The following ADAMTS3 variants were observed in gnomAD, a reference collection of about 807,000 sequenced individuals.
ADAMTS3 encodes A disintegrin and metalloproteinase with thrombospondin motifs 3.
ADAMTS3 carries 73 observed loss-of-function variants against 129.0 expected under a neutral mutation model. That is an observed-to-expected ratio of 0.57 (90% CI 0.47 to 0.69). ADAMTS3 has a LOEUF of 0.69. Among genes scored for constraint, ADAMTS3 ranks in the 30% least tolerant of loss-of-function variants. The pLI, the probability that ADAMTS3 is intolerant of heterozygous loss-of-function variation, is 0.00. For synonymous variants in ADAMTS3, 477 were observed against 510.8 expected, an observed-to-expected ratio of 0.93 and a Z score of 0.89; for missense variants, 1,457 against 1,514.5, an observed-to-expected ratio of 0.96 and a Z score of 0.63.
chr4:72,423,559 C>G (rs983585184), intron 3 of ADAMTS3, among the ~76,000 whole-genome samples: 1 of 149,950 alleles, frequency 6.7e-6, no homozygotes, highest in Non-Finnish European at 1.5e-5. Context: ...TCTTTTTTTT[C>G]TTTTATTATT....
chr4:72,339,793 A>C (rs1014130529), intron 4 of ADAMTS3, 100 bp from the exon 5 acceptor site: 1 of 901,276 alleles, frequency 1.1e-6, no homozygotes, highest in Non-Finnish European at 1.8e-6. Context: ...TATCAGTATC[A>C]TTCATAATCA....
chr4:72,523,068 A>T (rs1244627949), intron 3 of ADAMTS3, among the ~76,000 whole-genome samples: 1 of 152,088 alleles, frequency 6.6e-6, no homozygotes, highest in Non-Finnish European at 1.5e-5. Flanking sequence ...TTTTAACTTT[A>T]TAAGAGTCTT....
At chr4:72,331,853 T>G (rs1000414839) in intron 5 of ADAMTS3, among the ~76,000 whole-genome samples, 1 of 152,310 alleles carries the variant, frequency 6.6e-6, no homozygotes, top group African/African-American at 2.4e-5. Flanking sequence ...CCATATCCTC[T>G]CTTTTTCAAT....
At chr4:72,479,831 C>T (rs1158003132) in intron 3 of ADAMTS3, among the ~76,000 whole-genome samples, 1 of 152,172 alleles carries the variant, frequency 6.6e-6, no homozygotes, top group Non-Finnish European at 1.5e-5. Flanking sequence ...CTACAATGAA[C>T]TCAAACAAAT....
rs1721595320 is a variant in ADAMTS3 at position 72,550,047 on chromosome 4, AAGAG to A, written c.98-1167_98-1164del. Among the ~76,000 whole-genome samples, 70 of 18,380 alleles carry A rather than the reference AAGAG, an allele frequency of 3.8e-3. 18 individuals are homozygous for A. The highest frequency in any genetic ancestry group is 0.013 in the East Asian group (7 of 560). 12.1% of individuals were successfully genotyped at this position (18,380 alleles called of 152,430 possible). On this transcript the variant is annotated intron_variant, in intron 2 of 21. Coordinates refer to ENST00000286657, the MANE Select transcript of ADAMTS3 (RefSeq NM_014243.3). ...GAAGAAGAAGAAGAAGAAGAAGAGG[AAGAG>A]GAAGAGGAAGAGGAAGAGGAAGAGG...
chr4:72,282,123 A>C lies in ADAMTS3; in HGVS notation c.*1013T>G, dbSNP rs1414938943. On this transcript the variant is annotated 3_prime_UTR_variant, in exon 22 of 22. Coordinates refer to ENST00000286657, the MANE Select transcript of ADAMTS3 (RefSeq NM_014243.3). Reference sequence around the variant, plus strand: ...ATTTTTCTCAGCTACCAACATACAAATAAGTTATCCCAAAACTTTTTCCTT... The same window carrying C: ...ATTTTTCTCAGCTACCAACATACAACTAAGTTATCCCAAAACTTTTTCCTT... 6.6e-6 allele frequency: 1 copy of C among 152,200 alleles called. No individual in the cohort carries two copies. The highest frequency in any genetic ancestry group is 2.4e-5 in the African/African-American group (1 of 41,460). 9.4% of individuals were successfully genotyped at this position (152,200 alleles called of 1,614,324 possible). A position where few individuals can be genotyped will look rare whatever the true frequency, so the allele number is the denominator to read the frequency against.
At chr4:72,555,441 A>G (rs1212466952) in intron 2 of ADAMTS3, among the ~76,000 whole-genome samples, 1 of 151,810 alleles carries the variant, frequency 6.6e-6, no homozygotes, top group Non-Finnish European at 1.5e-5. Flanking sequence ...GCCAAGGCCT[A>G]TCTCAAGCCC....
intron 3 of ADAMTS3, among the ~76,000 whole-genome samples, chr4:72,423,347 T>C (rs972582205): frequency 6.6e-6 from 1 of 152,140 alleles, no homozygotes; most frequent in Admixed American, 6.6e-5. Context: ...AGACGGAGAA[T>C]ACATGTAAAT....
intron 2 of ADAMTS3, among the ~76,000 whole-genome samples, chr4:72,551,551 A>G (rs1159449837): frequency 6.6e-6 from 1 of 152,164 alleles, no homozygotes; most frequent in Non-Finnish European, 1.5e-5. Flanking sequence ...AAAAGATACG[A>G]TTGGCAACCC....
At chr4:72,333,747 A>G (rs1163390215) in intron 5 of ADAMTS3, among the ~76,000 whole-genome samples, 1 of 152,064 alleles carries the variant, frequency 6.6e-6, no homozygotes, top group South Asian at 2.1e-4. Flanking sequence ...GCCCTTATTA[A>G]ATGGCTGGAT....
At chr4:72,416,003 T>C (rs1220351945) in intron 3 of ADAMTS3, among the ~76,000 whole-genome samples, 1 of 151,682 alleles carries the variant, frequency 6.6e-6, no homozygotes, top group East Asian at 1.9e-4. Flanking sequence ...ACCTTTAACT[T>C]ATTCTGTATT....
chr4:72,531,427 G>C (rs993532553), intron 3 of ADAMTS3, among the ~76,000 whole-genome samples: 5 of 152,138 alleles, frequency 3.3e-5, no homozygotes, highest in Admixed American at 6.6e-5. Flanking sequence ...GCTCAGAAGA[G>C]AAGTCAGAGC....
intron 3 of ADAMTS3, among the ~76,000 whole-genome samples, chr4:72,516,513 G>C (rs192696482): frequency 1.1e-3 from 172 of 152,090 alleles, no homozygotes; most frequent in African/African-American, 4.0e-3. Context: ...TTATTTCATT[G>C]AGCAGTGGTT....
At chr4:72,314,102 T>A (rs1219494534) in intron 11 of ADAMTS3, among the ~76,000 whole-genome samples, 2 of 152,094 alleles carry the variant, frequency 1.3e-5, no homozygotes, top group Non-Finnish European at 2.9e-5. Context: ...AACACTATAA[T>A]CAATAAGAAC....
At chr4:72,457,255 C>T (rs1035413290) in intron 3 of ADAMTS3, among the ~76,000 whole-genome samples, 1 of 151,568 alleles carries the variant, frequency 6.6e-6, no homozygotes, top group African/African-American at 2.4e-5. Flanking sequence ...CAGGACATAA[C>T]AAAAATTAAA....
At chr4:72,531,260 A>G (rs562181366) in intron 3 of ADAMTS3, among the ~76,000 whole-genome samples, 1 of 152,296 alleles carries the variant, frequency 6.6e-6, no homozygotes, top group East Asian at 1.9e-4. Context: ...TAGGATAATA[A>G]GAATCTAGGT....
chr4:72,527,867 AGAGG>A (rs1354157191), intron 3 of ADAMTS3, among the ~76,000 whole-genome samples: 1 of 152,166 alleles, frequency 6.6e-6, no homozygotes, highest in Non-Finnish European at 1.5e-5. Context: ...CCTGAAACCT[AGAGG>A]GGGATAGGGA....
chr4:72,448,793 G>GA lies in ADAMTS3; in HGVS notation c.505-33823dup, dbSNP rs565951887. Among the ~76,000 whole-genome samples, 127 of 150,782 alleles carry GA rather than the reference G, an allele frequency of 8.4e-4. 2 individuals carry two copies. The highest frequency in any genetic ancestry group is 1.8e-3 in the Admixed American group (27 of 15,160). On this transcript the variant is annotated intron_variant, in intron 3 of 21. Transcript: ENST00000286657. ...CTCCCCTTTTCTACTCCCTAAAAAAGAAAAAAAAGTATTATAGAAGTGCAT... is the reference window on the plus strand; with the variant it reads ...CTCCCCTTTTCTACTCCCTAAAAAAGAAAAAAAAAGTATTATAGAAGTGCAT...
intron 3 of ADAMTS3, among the ~76,000 whole-genome samples, chr4:72,441,310 A>T (rs1040748410): frequency 2.6e-5 from 4 of 151,744 alleles, no homozygotes; most frequent in Admixed American, 6.6e-5. Flanking sequence ...GTATTTTTCA[A>T]CATTTGTACA....
Sources: gnomAD v4.1 joint callset for allele counts (sites outside exome capture counted in the v4.1 genomes callset) on GRCh38, gnomAD v4.1.1 for gene constraint, MANE v1.5 for transcripts, NCBI Gene and HGNC (gene_info 2026-07-23, HGNC 2026-07-21) for gene names.